The following GDPGP1 variants were observed in gnomAD, a reference collection of about 807,000 sequenced individuals.
GDPGP1 encodes the protein GDP-D-glucose phosphorylase 1.
Under a neutral mutation model 19.2 loss-of-function variants are expected in GDPGP1, and 18 were observed. The observed-to-expected ratio is 0.94, with a 90% confidence interval of 0.65 to 1.39. The LOEUF is 1.39. Ranked by LOEUF, GDPGP1 falls within the 40% of genes most tolerant of loss-of-function variation. The pLI is 0.00. For synonymous variants in GDPGP1, 219 were observed against 208.9 expected, an observed-to-expected ratio of 1.05 and a Z score of -0.42; for missense variants, 449 against 490.5, an observed-to-expected ratio of 0.92 and a Z score of 0.80.
chr15:90,237,632 C>T (rs556771159), intron 2 of GDPGP1, among the ~76,000 whole-genome samples: 4 of 152,198 alleles, frequency 2.6e-5, no homozygotes, highest in South Asian at 4.2e-4. Context: ...TGATTAATGA[C>T]GTTAAACATC....
chr15:90,244,907 G>C lies in GDPGP1; in HGVS notation c.*2841G>C, dbSNP rs910162880. 3.3e-5 allele frequency: 5 copies of C among 152,224 alleles called. No homozygotes were observed. The highest frequency in any genetic ancestry group is 1.2e-4 in the African/African-American group (5 of 41,444). The allele number at this position is 152,224 out of a possible 1,614,324, so 9.4% of individuals were successfully genotyped here. ...CCTTCATCAAACATCCTGAAGGAAT[G>C]AGAGTCCCTGTTCACAGCGTAAGGG... On this transcript the variant is annotated 3_prime_UTR_variant, in exon 4 of 4. Coordinates refer to ENST00000329600, the MANE Select transcript of GDPGP1 (RefSeq NM_001013657.3).
Position 90,241,607 on chromosome 15 carries a change from G to T in GDPGP1, c.699G>T (p.Ala233=). The T allele has an allele frequency of 6.2e-7, 1 of 1,613,784 alleles. No homozygotes were observed. The highest frequency in any genetic ancestry group is 8.5e-7 in the Non-Finnish European group (1 of 1,180,036). Reference sequence around the variant, plus strand: ...CCCACAGACTGCCCGTGGAGCAGGCGCCAAGCGAGCCCCTGGACCCTGGAG... The same window carrying T: ...CCCACAGACTGCCCGTGGAGCAGGCTCCAAGCGAGCCCCTGGACCCTGGAG... ...YLAHRLPVEQ[A]PSEPLDPGGH... is the part of the protein sequence containing the mutation. Residue 233 remains alanine, a synonymous_variant, in exon 4 of 4, where the codon GCG becomes GCT. Transcript: ENST00000329600.
At chr15:90,239,936 G>C (rs1962715072) in intron 3 of GDPGP1, among the ~76,000 whole-genome samples, 1 of 151,982 alleles carries the variant, frequency 6.6e-6, no homozygotes, top group South Asian at 2.1e-4. Flanking sequence ...AAATAAAATA[G>C]GCCGTGGCTG....
rs1023615651 is a variant in GDPGP1, at chr15:90,245,678, A to G, written c.*3612A>G. On this transcript the variant is annotated 3_prime_UTR_variant, in exon 4 of 4. Transcript: ENST00000329600. ...TTACAGCAAAGTGGATTTTGCGTTC[A>G]AAGTGATAAGCCAAATATCAGGATT... The G allele has an allele frequency of 6.6e-6, 1 of 152,118 alleles. No individual in the cohort carries two copies. The highest frequency in any genetic ancestry group is 1.5e-5 in the Non-Finnish European group (1 of 68,028). 9.4% of individuals were successfully genotyped at this position (152,118 alleles called of 1,614,324 possible).
chr15:90,241,407 G>T lies in GDPGP1; in HGVS notation c.499G>T (p.Val167Leu). The stretch of plus-strand genomic sequence containing the variant: ...CGTCAGCCCCCTGGAGTGGGGCCAC[G>T]TGCTGCTGGTGCCTGAGCCTGCCCG... Reference protein sequence around the residue: ...INVSPLEWGHVLLVPEPARQL... With the variant: ...INVSPLEWGHLLLVPEPARQL... Residue 167 changes from valine (V) to leucine (L), a missense_variant, in exon 4 of 4, where the codon GTG becomes TTG. Physicochemically the swap from Val to Leu is conservative, Grantham distance 32 (BLOSUM62 1). Transcript: ENST00000329600. 2 of 1,613,666 alleles carry T rather than the reference G, an allele frequency of 1.2e-6. No homozygotes were observed. Among genetic ancestry groups the T allele is most frequent in the Non-Finnish European group, 8.5e-7 (1 of 1,180,032 alleles).
chr15:90,239,304 A>C (rs1422408637), intron 3 of GDPGP1, among the ~76,000 whole-genome samples: 1 of 102,154 alleles, frequency 9.8e-6, no homozygotes, highest in South Asian at 2.9e-4. Context: ...TGAGACATAA[A>C]ATGTGTGTGT....
At chr15:90,240,862 T>TTACC in intron 3 of GDPGP1, 38 bp from the exon 4 acceptor site, 1 of 1,295,300 alleles carries the variant, frequency 7.7e-7, no homozygotes, top group Non-Finnish European at 1.1e-6. Context: ...TGGAGGTGGG[T>TTACC]TACCATCATG....
chr15:90,237,832 G>T (rs757363288), intron 2 of GDPGP1, among the ~76,000 whole-genome samples: 2 of 152,048 alleles, frequency 1.3e-5, no homozygotes, highest in African/African-American at 2.4e-5. Context: ...AGTGCCTGTG[G>T]TCCCAGCTAC....
intron 2 of GDPGP1, among the ~76,000 whole-genome samples, chr15:90,235,010 G>A (rs1962602461): frequency 6.6e-6 from 1 of 152,152 alleles, no homozygotes; most frequent in Non-Finnish European, 1.5e-5. Context: ...CTAAATCTGA[G>A]TATGTTAGTC....
rs1567073659 is a variant in GDPGP1, at chr15:90,242,425, C to CTCTT, written c.*360_*361insCTTT. 2 of 100,584 alleles carry CTCTT rather than the reference C, an allele frequency of 2.0e-5. No homozygotes were observed. Among genetic ancestry groups the CTCTT allele is most frequent in the African/African-American group, 7.2e-5 (2 of 27,688 alleles). 6.2% of individuals were successfully genotyped at this position (100,584 alleles called of 1,614,324 possible). A position where few individuals can be genotyped will look rare whatever the true frequency, so the allele number is the denominator to read the frequency against. On this transcript the variant is annotated 3_prime_UTR_variant, in exon 4 of 4. Coordinates refer to ENST00000329600, the MANE Select transcript of GDPGP1 (RefSeq NM_001013657.3). ...CAGGAGTGAGCCCCTGGATTCTTTTCTGTTTCTTTTTTTTTTTTTTTTTTT... is the reference window on the plus strand; with the variant it reads ...CAGGAGTGAGCCCCTGGATTCTTTTCTCTTTGTTTCTTTTTTTTTTTTTTTTTTT...
At chr15:90,237,552 G>C (rs903298999) in intron 2 of GDPGP1, among the ~76,000 whole-genome samples, 1 of 151,990 alleles carries the variant, frequency 6.6e-6, no homozygotes, top group African/African-American at 2.4e-5. Context: ...CCAATGTGCT[G>C]GTCCAGGGAT....
rs1177262409 is a variant in GDPGP1, at chr15:90,241,242, A to G, written c.334A>G (p.Ile112Val). The change falls in exon 4 of 4, where the codon ATC becomes GTC. Residue 112 changes from isoleucine to valine, a missense_variant. Coordinates refer to ENST00000329600, the MANE Select transcript of GDPGP1 (RefSeq NM_001013657.3). ...TGTGCAGAGGAGGCCCCCGCAGACC[A>G]TCAAGAGTGTGAGGCAGGCATTTGA... ...RGVQRRPPQT[I>V]KSVRQAFDPV... is the part of the protein sequence containing the mutation. 1.2e-6 allele frequency: 2 copies of G among 1,614,142 alleles called. No individual in the cohort carries two copies. The highest frequency in any genetic ancestry group is 1.7e-5 in the Admixed American group (1 of 60,016).
intron 3 of GDPGP1, among the ~76,000 whole-genome samples, chr15:90,238,894 A>G (rs1383831949): frequency 6.6e-6 from 1 of 152,224 alleles, no homozygotes; most frequent in Non-Finnish European, 1.5e-5. Flanking sequence ...ATTTGAGACC[A>G]CCTGAACAGC....
At position 90,241,733 on chromosome 15, in the gene GDPGP1, G is replaced by A. The variant is rs2151640646; in HGVS notation, c.825G>A (p.Arg275=). ...DLESLISRVC[R]ATDYLTDHEI... ...AGTCCTTGATAAGCAGGGTATGTCGGGCCACTGATTATCTGACTGACCATG... is the reference window on the plus strand; with the variant it reads ...AGTCCTTGATAAGCAGGGTATGTCGAGCCACTGATTATCTGACTGACCATG... The change falls in exon 4 of 4, where the codon CGG becomes CGA. Residue 275 remains arginine, a synonymous_variant. Coordinates refer to ENST00000329600, the MANE Select transcript of GDPGP1 (RefSeq NM_001013657.3). 6.2e-7 allele frequency: 1 copy of A among 1,614,218 alleles called. No individual in the cohort carries two copies. Among genetic ancestry groups the A allele is most frequent in the Non-Finnish European group, 8.5e-7 (1 of 1,180,042 alleles).
At chr15:90,235,034 A>T (rs1298526938) in intron 2 of GDPGP1, among the ~76,000 whole-genome samples, 1 of 152,126 alleles carries the variant, frequency 6.6e-6, no homozygotes, top group Non-Finnish European at 1.5e-5. Context: ...GTTTATAACC[A>T]TTAAATGGTT....
Position 90,245,472 on chromosome 15 carries a change from CAAAAAA to C in GDPGP1, c.*3416_*3421del, listed in dbSNP as rs72402246. ...TGGGCGGCAGAGAGAGACTTTGTCT[CAAAAAA>C]AAAAAAAAAGAAAAAAACAGTTTAC... On this transcript the variant is annotated 3_prime_UTR_variant, in exon 4 of 4. Transcript: ENST00000329600. The C allele has an allele frequency of 4.9e-5, 6 of 122,782 alleles. No homozygotes were observed. Among genetic ancestry groups the C allele is most frequent in the African/African-American group, 1.4e-4 (5 of 34,502 alleles). 7.6% of individuals were successfully genotyped at this position (122,782 alleles called of 1,614,324 possible).
At chr15:90,240,805 C>T (rs1040793522) in intron 3 of GDPGP1, 95 bp from the exon 4 acceptor site, 2 of 769,338 alleles carry the variant, frequency 2.6e-6, no homozygotes. Flanking sequence ...CAGAGTGAGA[C>T]TCCATCTCAA....
At position 90,234,536 on chromosome 15, in the gene GDPGP1, A is replaced by T. The variant is rs765756591; in HGVS notation, c.-127A>T. ...TTCCTTCTTAGGCTATTTACTGAGGACCCACTGGATGTCAAGCATTGTGCA... is the reference window on the plus strand; with the variant it reads ...TTCCTTCTTAGGCTATTTACTGAGGTCCCACTGGATGTCAAGCATTGTGCA... On this transcript the variant is annotated 5_prime_UTR_variant, in exon 2 of 4. Transcript: ENST00000329600. 1.3e-5 allele frequency: 2 copies of T among 152,130 alleles called. No individual in the cohort carries two copies. Among genetic ancestry groups the T allele is most frequent in the Non-Finnish European group, 2.9e-5 (2 of 68,024 alleles). 9.4% of individuals were successfully genotyped at this position (152,130 alleles called of 1,614,324 possible). A position where few individuals can be genotyped will look rare whatever the true frequency, so the allele number is the denominator to read the frequency against.
In GDPGP1 at chr15:90,235,526, T is replaced by TA. The variant is rs938077807; in HGVS notation, c.-67+939dup. On this transcript the variant is annotated intron_variant, in intron 2 of 3. Coordinates refer to ENST00000329600, the MANE Select transcript of GDPGP1 (RefSeq NM_001013657.3). ...GAGACTCTGTCTCAAAAAATAAAAA[T>TA]AAAAAAAAATAACTAGGGTATAGGC... 4.0e-5 allele frequency among the ~76,000 whole-genome samples: 6 copies of TA among 150,832 alleles called. No homozygotes were observed. In the South Asian group the frequency reaches 6.3e-4, roughly 16 times the overall value.
Sources: allele counts gnomAD v4.1 joint callset (sites outside exome capture counted in the v4.1 genomes callset), GRCh38; gene constraint gnomAD v4.1.1; transcripts MANE v1.5; gene names NCBI Gene and HGNC (gene_info 2026-07-23, HGNC 2026-07-21).